The following SCNN1G variants were observed in gnomAD, a reference collection of about 807,000 sequenced individuals.
The protein encoded by SCNN1G is sodium channel epithelial 1 subunit gamma, also known as epithelial sodium channel subunit gamma.
A neutral mutation model predicts 64.6 loss-of-function variants in SCNN1G; 27 were observed. The ratio of observed to expected loss-of-function variants is 0.42; its 90% CI spans 0.31 to 0.58. The LOEUF (loss-of-function observed/expected upper bound fraction) is 0.58. SCNN1G is among the 20% of genes least tolerant of loss of function. The probability of loss-of-function intolerance (pLI) is 0.18; values close to 1 mark genes in which losing one functional copy is unlikely to be tolerated. For synonymous variants in SCNN1G, 330 were observed against 314.2 expected, an observed-to-expected ratio of 1.05 and a Z score of -0.53; for missense variants, 743 against 823.4, an observed-to-expected ratio of 0.90 and a Z score of 1.19.
intron 6 of SCNN1G, among the ~76,000 whole-genome samples, chr16:23,201,529 CAA>C (rs796312054): frequency 7.7e-6 from 1 of 130,070 alleles, no homozygotes; most frequent in African/African-American, 2.6e-5. Context: ...AGAACAACAA[CAA>C]AAAAAAAAAC....
intron 6 of SCNN1G, among the ~76,000 whole-genome samples, chr16:23,199,379 G>A (rs888933518): frequency 6.6e-6 from 1 of 152,108 alleles, no homozygotes; most frequent in Non-Finnish European, 1.5e-5. Context: ...ATAGACATTA[G>A]GTCATTTCAG....
intron 3 of SCNN1G, among the ~76,000 whole-genome samples, chr16:23,190,625 A>G (rs1959691698): frequency 6.6e-6 from 1 of 152,138 alleles, no homozygotes; most frequent in South Asian, 2.1e-4. Flanking sequence ...CCCTTTGGCT[A>G]ATGGATGGTG....
intron 6 of SCNN1G, among the ~76,000 whole-genome samples, chr16:23,207,863 T>TG (rs1416956848): frequency 1.3e-5 from 2 of 152,136 alleles, no homozygotes; most frequent in African/African-American, 4.8e-5. Flanking sequence ...GCCTCAAACC[T>TG]CTTAATTCCT....
Position 23,186,704 on chromosome 16 carries a change from GC to G in SCNN1G, c.317+117del, listed in dbSNP as rs1390543659. On this transcript the variant is annotated intron_variant, in intron 2 of 12. Coordinates refer to ENST00000300061, the MANE Select transcript of SCNN1G (RefSeq NM_001039.4). ...GAGGTCGATTCCAGCCTACAAATGT[GC>G]TTTCTAGAAATTTGAATTTGTTGCT... is the stretch of plus-strand genomic sequence containing the variant. The G allele has an allele frequency of 5.6e-6, 5 of 887,580 alleles. No individual in the cohort carries two copies. In the African/African-American group the frequency reaches 6.6e-5, roughly 12 times the overall value. 55.0% of individuals were successfully genotyped at this position (887,580 alleles called of 1,614,324 possible).
At chr16:23,213,249 C>CCA in intron 11 of SCNN1G, 86 bp downstream of exon 11, 27 of 791,222 alleles carry the variant, frequency 3.4e-5, no homozygotes, top group Non-Finnish European at 4.1e-5. Context: ...ATGGCCAAAT[C>CCA]CTCTTTTTTT....
chr16:23,201,665 A>G (rs1487551736), intron 6 of SCNN1G, among the ~76,000 whole-genome samples: 1 of 152,162 alleles, frequency 6.6e-6, no homozygotes, highest in African/African-American at 2.4e-5. Flanking sequence ...TGAAGCTGGT[A>G]GGCTCAGTCA....
chr16:23,215,045 G>A (rs747013624), intron 12 of SCNN1G, 44 bp from the exon 13 acceptor site: 2 of 1,611,858 alleles, frequency 1.2e-6, no homozygotes, highest in South Asian at 1.1e-5. Flanking sequence ...AGGCCAACTT[G>A]GGGGGAGGTT....
intron 6 of SCNN1G, among the ~76,000 whole-genome samples, chr16:23,204,849 T>G (rs1596772956): frequency 6.6e-6 from 1 of 152,176 alleles, no homozygotes; most frequent in South Asian, 2.1e-4. Context: ...GGCTCACGCC[T>G]ATAATCCTAG....
At chr16:23,205,554 G>A (rs545531752) in intron 6 of SCNN1G, among the ~76,000 whole-genome samples, 70 of 152,110 alleles carry the variant, frequency 4.6e-4, no homozygotes, top group African/African-American at 1.6e-3. Context: ...AAAGAAATTA[G>A]CCAGGCATGG....
intron 12 of SCNN1G, 102 bp from the exon 13 acceptor site, chr16:23,214,987 G>A (rs1308546026): frequency 2.0e-5 from 28 of 1,399,516 alleles, no homozygotes; most frequent in Non-Finnish European, 2.7e-5. Flanking sequence ...AGCCTGTGCA[G>A]GGTCGGGGCT....
At chr16:23,193,625 G>A (rs1959747735) in intron 4 of SCNN1G, among the ~76,000 whole-genome samples, 1 of 152,062 alleles carries the variant, frequency 6.6e-6, no homozygotes. Context: ...CTTCAGCCTG[G>A]GCAAAAGAGC....
chr16:23,195,709 T>C (rs865855569), intron 5 of SCNN1G, among the ~76,000 whole-genome samples: 21 of 152,252 alleles, frequency 1.4e-4, no homozygotes, highest in Admixed American at 3.9e-4. Flanking sequence ...CTGGGCTTTG[T>C]TTGTAATTGT....
chr16:23,211,971 C>A, intron 7 of SCNN1G, 63 bp from the exon 8 acceptor site: 1 of 1,207,128 alleles, frequency 8.3e-7, no homozygotes, highest in Non-Finnish European at 1.2e-6. Flanking sequence ...GAGGGATGTG[C>A]AGGAAACTCC....
chr16:23,204,978 A>G (rs534782303), intron 6 of SCNN1G, among the ~76,000 whole-genome samples: 1 of 152,010 alleles, frequency 6.6e-6, no homozygotes, highest in Non-Finnish European at 1.5e-5. Flanking sequence ...ACACCTACCT[A>G]AATATTGTAT....
chr16:23,201,678 C>T (rs544516741), intron 6 of SCNN1G, among the ~76,000 whole-genome samples: 1 of 152,250 alleles, frequency 6.6e-6, no homozygotes, highest in East Asian at 1.9e-4. Flanking sequence ...CTCAGTCAGG[C>T]TGGCCAGGCA....
Position 23,186,415 on chromosome 16 carries a change from C to T in SCNN1G, c.144C>T (p.Arg48=). Residue 48 remains arginine (R), a synonymous_variant, in exon 2 of 13, where the codon CGC becomes CGT. Coordinates refer to ENST00000300061, the MANE Select transcript of SCNN1G (RefSeq NM_001039.4). ...THGCRRIVVS[R]GRLRRLLWIG... The stretch of plus-strand genomic sequence containing the variant: ...GCTGTCGCCGCATCGTGGTGTCCCG[C>T]GGCCGTCTGCGCCGCCTCCTCTGGA... 6.2e-7 allele frequency: 1 copy of T among 1,614,240 alleles called. No homozygotes were observed. Among genetic ancestry groups the T allele is most frequent in the Non-Finnish European group, 8.5e-7 (1 of 1,180,048 alleles).
At position 23,212,817 on chromosome 16, in the gene SCNN1G, G is replaced by A; in HGVS notation, c.1374-20G>A. On this transcript the variant is annotated intron_variant, in intron 9 of 12. Transcript: ENST00000300061. ...GTTGGGTTGGGCTGCCTACACTCAT[G>A]CTGTCCCCTCCTCCCTTAGCTTTAA... 6.2e-7 allele frequency: 1 copy of A among 1,614,088 alleles called. No homozygotes were observed. Among genetic ancestry groups the A allele is most frequent in the Non-Finnish European group, 8.5e-7 (1 of 1,179,922 alleles).
intron 6 of SCNN1G, among the ~76,000 whole-genome samples, chr16:23,202,482 A>G (rs1215282826): frequency 6.6e-6 from 1 of 152,242 alleles, no homozygotes; most frequent in Non-Finnish European, 1.5e-5. Flanking sequence ...CAAATAGTCA[A>G]GAAGAGCCAG....
At position 23,208,647 on chromosome 16, in the gene SCNN1G, TTCTC is replaced by T. The variant is rs1041351839; in HGVS notation, c.1078-1093_1078-1090del. 1.8e-3 allele frequency among the ~76,000 whole-genome samples: 241 copies of T among 137,360 alleles called. 1 individual carries two copies. Among genetic ancestry groups the T allele is most frequent in the African/African-American group, 6.0e-3 (227 of 37,634 alleles). 90.1% of individuals were successfully genotyped at this position (137,360 alleles called of 152,430 possible). On this transcript the variant is annotated intron_variant, in intron 6 of 12. Transcript: ENST00000300061. The stretch of plus-strand genomic sequence containing the variant: ...CCTTCCCTTCCCGCCCTTCCTTCCT[TTCTC>T]TCTCTCTCTTTCTTTCTCTCTCTTC...
Sources: allele counts gnomAD v4.1 joint callset (sites outside exome capture counted in the v4.1 genomes callset), GRCh38; gene constraint gnomAD v4.1.1; transcripts MANE v1.5; gene names NCBI Gene and HGNC (gene_info 2026-07-23, HGNC 2026-07-21).